The following DCC variants were observed in gnomAD, a reference collection of about 807,000 sequenced individuals.
DCC encodes the protein netrin receptor DCC.
A neutral mutation model predicts 172.5 loss-of-function variants in DCC; 58 were observed. That is an observed-to-expected ratio of 0.34 (90% CI 0.27 to 0.42). The LOEUF is 0.42. Among genes scored for constraint, DCC ranks in the 10% least tolerant of loss-of-function variants. The pLI, the probability that DCC is intolerant of heterozygous loss-of-function variation, is 1.00. For synonymous variants in DCC, 709 were observed against 644.5 expected, an observed-to-expected ratio of 1.10 and a Z score of -1.52; for missense variants, 1,740 against 1,791.0, an observed-to-expected ratio of 0.97 and a Z score of 0.51.
chr18:53,114,966 C>T (rs1476717365), intron 7 of DCC, among the ~76,000 whole-genome samples: 1 of 151,680 alleles, frequency 6.6e-6, no homozygotes, highest in Non-Finnish European at 1.5e-5. Flanking sequence ...AACACATGAA[C>T]TGTTGCATTC....
intron 9 of DCC, among the ~76,000 whole-genome samples, chr18:53,181,755 C>A (rs1411671346): frequency 6.6e-6 from 1 of 152,086 alleles, no homozygotes. Context: ...TGGATCTCAG[C>A]AGATTTGGGG....
At chr18:52,351,290 A>G (rs1236717732) in intron 1 of DCC, among the ~76,000 whole-genome samples, 1 of 152,190 alleles carries the variant, frequency 6.6e-6, no homozygotes, top group African/African-American at 2.4e-5. Context: ...AGACTTTGGG[A>G]TTCTCTCTCT....
intron 16 of DCC, among the ~76,000 whole-genome samples, chr18:53,389,704 C>T (rs1015974489): frequency 2.0e-5 from 3 of 152,074 alleles, no homozygotes; most frequent in Admixed American, 6.6e-5. Flanking sequence ...TCAAGAAATA[C>T]CACCCAACAC....
intron 7 of DCC, 62 bp downstream of exon 7, chr18:53,066,228 A>G: frequency 6.4e-6 from 10 of 1,551,988 alleles, no homozygotes; most frequent in Non-Finnish European, 8.0e-6. Flanking sequence ...TCTGTTGGTA[A>G]AATCCATATT....
At chr18:52,702,440 C>T (rs750629006) in intron 1 of DCC, among the ~76,000 whole-genome samples, 15 of 152,164 alleles carry the variant, frequency 9.9e-5, no homozygotes, top group Non-Finnish European at 1.5e-4. Flanking sequence ...CTTTAATACA[C>T]CCCTGAGTAT....
At chr18:52,661,274 A>G (rs1792130595) in intron 1 of DCC, among the ~76,000 whole-genome samples, 1 of 152,180 alleles carries the variant, frequency 6.6e-6, no homozygotes, top group South Asian at 2.1e-4. Context: ...AAAAGGGCAA[A>G]GGGACATTAG....
chr18:52,682,995 A>G (rs1018627426), intron 1 of DCC, among the ~76,000 whole-genome samples: 18 of 152,086 alleles, frequency 1.2e-4, no homozygotes, highest in Admixed American at 5.2e-4. Flanking sequence ...GAAACCATTG[A>G]GGGTATTACT....
At chr18:52,822,635 C>A (rs2038427079) in intron 2 of DCC, among the ~76,000 whole-genome samples, 1 of 152,226 alleles carries the variant, frequency 6.6e-6, no homozygotes, top group Non-Finnish European at 1.5e-5. Context: ...CCACATTCAG[C>A]ATACTTGGGA....
chr18:52,966,794 G>A (rs1033433022), intron 5 of DCC, among the ~76,000 whole-genome samples: 12 of 152,160 alleles, frequency 7.9e-5, no homozygotes, highest in African/African-American at 2.9e-4. Context: ...ATCTCTGGGT[G>A]TATCCCTTAA....
chr18:52,443,579 A>G (rs570649048), intron 1 of DCC, among the ~76,000 whole-genome samples: 24 of 152,352 alleles, frequency 1.6e-4, no homozygotes, highest in Admixed American at 8.5e-4. Context: ...CTAGGCAGAA[A>G]GAACAACACA....
chr18:53,338,304 T>C (rs1028169341), intron 14 of DCC, among the ~76,000 whole-genome samples: 1 of 152,222 alleles, frequency 6.6e-6, no homozygotes. Context: ...ATAGTTGTTG[T>C]ATAAATATTT....
chr18:52,586,351 T>C (rs1441631155), intron 1 of DCC, among the ~76,000 whole-genome samples: 1 of 152,180 alleles, frequency 6.6e-6, no homozygotes, highest in Non-Finnish European at 1.5e-5. Flanking sequence ...TTTCATATAG[T>C]TGCCCCTGTA....
At chr18:53,073,973 A>G (rs913255186) in intron 7 of DCC, among the ~76,000 whole-genome samples, 2 of 151,836 alleles carry the variant, frequency 1.3e-5, no homozygotes, top group African/African-American at 2.4e-5. Context: ...TACTAACTTC[A>G]CTGAGATTCA....
intron 12 of DCC, among the ~76,000 whole-genome samples, chr18:53,265,415 A>G (rs2056662204): frequency 6.6e-6 from 1 of 152,236 alleles, no homozygotes; most frequent in Admixed American, 6.5e-5. Flanking sequence ...CTCCATGTAT[A>G]AAGAAAACCT....
chr18:52,395,494 G>A (rs1380801667), intron 1 of DCC, among the ~76,000 whole-genome samples: 2 of 151,932 alleles, frequency 1.3e-5, no homozygotes, highest in Non-Finnish European at 2.9e-5. Flanking sequence ...GTTGGTAACA[G>A]GAGTCCCTTG....
chr18:53,309,393 G>C (rs2057238602), intron 13 of DCC, among the ~76,000 whole-genome samples: 1 of 152,046 alleles, frequency 6.6e-6, no homozygotes, highest in Admixed American at 6.6e-5. Context: ...AATCCAGGAT[G>C]ACTTCATCTT....
intron 22 of DCC, among the ~76,000 whole-genome samples, chr18:53,449,340 G>A (rs562989592): frequency 2.0e-5 from 3 of 152,150 alleles, no homozygotes; most frequent in African/African-American, 7.2e-5. Context: ...TACGTCAAGG[G>A]TCATTAGTCA....
At position 52,845,482 on chromosome 18, in the gene DCC, T is replaced by C. The variant is rs575832727; in HGVS notation, c.413-60562T>C. On this transcript the variant is annotated intron_variant, in intron 2 of 28. Coordinates refer to ENST00000442544, the MANE Select transcript of DCC (RefSeq NM_005215.4). ...CCTGAGAGGATAATAATGATCCCAA[T>C]AGCAATACAACCAGATCTCTTAGGA... Among the ~76,000 whole-genome samples, 9 of 152,208 alleles carry C rather than the reference T, an allele frequency of 5.9e-5. No individual in the cohort carries two copies. In the South Asian group the frequency reaches 1.0e-3, roughly 18 times the overall value.
chr18:52,409,838 C>T (rs1598795391), intron 1 of DCC, among the ~76,000 whole-genome samples: 1 of 152,080 alleles, frequency 6.6e-6, no homozygotes, highest in African/African-American at 2.4e-5. Flanking sequence ...TATCATTATC[C>T]TTATTTTGCA....
Sources: allele counts gnomAD v4.1 joint callset (sites outside exome capture counted in the v4.1 genomes callset), GRCh38; gene constraint gnomAD v4.1.1; transcripts MANE v1.5; gene names NCBI Gene and HGNC (gene_info 2026-07-23, HGNC 2026-07-21).